GPC3: variants seen among roughly 807,000 people sequenced by gnomAD.
The protein encoded by GPC3 is glypican 3.
GPC3 carries 3 observed loss-of-function variants against 34.4 expected under a neutral mutation model. That is an observed-to-expected ratio of 0.09 (90% CI 0.04 to 0.23). The LOEUF is 0.23. Among genes scored for constraint, GPC3 ranks in the 10% least tolerant of loss-of-function variants. The pLI, the probability that GPC3 is intolerant of heterozygous loss-of-function variation, is 1.00. For missense variants in GPC3, 351 were observed against 445.6 expected, an observed-to-expected ratio of 0.79 and a Z score of 1.91; for synonymous variants, 177 against 174.0, an observed-to-expected ratio of 1.02 and a Z score of -0.13.
At chrX:133,732,266 C>T (rs753854956) in intron 3 of GPC3, among the ~76,000 whole-genome samples, 8 of 111,158 alleles carry the variant, frequency 7.2e-5, no homozygotes, top group African/African-American at 9.8e-5. Flanking sequence ...GTCTGACTGG[C>T]GGGCTCATGA....
chrX:133,617,088 G>A (rs186344183), intron 6 of GPC3, among the ~76,000 whole-genome samples: 306 of 111,289 alleles, frequency 2.7e-3, no homozygotes, highest in Non-Finnish European at 4.7e-3. Flanking sequence ...TATTAATAAC[G>A]AACTTAAAGT....
chrX:133,933,353 T>C (rs191259195), intron 2 of GPC3, among the ~76,000 whole-genome samples: 4 of 110,260 alleles, frequency 3.6e-5, no homozygotes, highest in African/African-American at 6.6e-5. Flanking sequence ...CTAGGGAGGA[T>C]TGCAAGGAGA....
At position 133,758,467 on chromosome X, in the gene GPC3, C is replaced by T. The variant is rs1336072301; in HGVS notation, c.338-4291G>A. On this transcript the variant is annotated intron_variant, in intron 2 of 7. Coordinates refer to ENST00000370818, the MANE Select transcript of GPC3 (RefSeq NM_004484.4). ...TGCAGGAACAGAAAACCTAACACCG[C>T]ATGTTCTCATTTGTAAGTGGGAATT... Among the ~76,000 whole-genome samples, 4 of 111,384 alleles carry T rather than the reference C, an allele frequency of 3.6e-5. No individual in the cohort carries two copies. In the Admixed American group the frequency reaches 3.8e-4, roughly 11 times the overall value.
At chrX:133,931,917 G>A (rs1487584106) in intron 2 of GPC3, among the ~76,000 whole-genome samples, 7 of 111,325 alleles carry the variant, frequency 6.3e-5, no homozygotes, top group Non-Finnish European at 1.1e-4. Flanking sequence ...TAAATGGTTG[G>A]AGGAGGCTCC....
At chrX:133,662,162 C>T (rs1193802945) in intron 5 of GPC3, among the ~76,000 whole-genome samples, 1 of 111,599 alleles carries the variant, frequency 9.0e-6, no homozygotes, top group Non-Finnish European at 1.9e-5. Flanking sequence ...GGCCAATGAC[C>T]AGGCAGAGTG....
chrX:133,600,754 T>C (rs1182393190), intron 6 of GPC3, among the ~76,000 whole-genome samples: 1 of 111,794 alleles, frequency 8.9e-6, no homozygotes, highest in Non-Finnish European at 1.9e-5. Flanking sequence ...AATTGCTTAA[T>C]TACAATTCAC....
At chrX:133,652,117 A>G (rs2070610211) in intron 6 of GPC3, among the ~76,000 whole-genome samples, 1 of 112,050 alleles carries the variant, frequency 8.9e-6, no homozygotes, top group Admixed American at 9.5e-5. Flanking sequence ...CCAGAATCCA[A>G]TTTCCATCCC....
At chrX:133,958,175 G>A (rs897848008) in intron 1 of GPC3, among the ~76,000 whole-genome samples, 4 of 112,069 alleles carry the variant, frequency 3.6e-5, no homozygotes, top group African/African-American at 1.3e-4. Flanking sequence ...CCCTGTACAC[G>A]TAGTGTTGAA....
intron 1 of GPC3, among the ~76,000 whole-genome samples, chrX:133,956,595 C>T (rs1274937886): frequency 1.8e-5 from 2 of 112,168 alleles, no homozygotes; most frequent in Admixed American, 9.4e-5. Flanking sequence ...CTAAGTAGTA[C>T]ATGTTCAAAA....
At chrX:133,682,927 A>G (rs1466367503) in intron 5 of GPC3, among the ~76,000 whole-genome samples, 4 of 105,874 alleles carry the variant, frequency 3.8e-5, no homozygotes, top group African/African-American at 1.0e-4. Flanking sequence ...AAATTGTGCC[A>G]CTGCACTCCA....
At chrX:133,983,638 C>T (rs2076551117) in intron 1 of GPC3, among the ~76,000 whole-genome samples, 1 of 111,811 alleles carries the variant, frequency 8.9e-6, no homozygotes, top group Admixed American at 9.4e-5. Context: ...AACCCTGGAC[C>T]CATTCATCTT....
intron 2 of GPC3, among the ~76,000 whole-genome samples, chrX:133,847,484 T>A (rs1349548299): frequency 8.9e-6 from 1 of 111,943 alleles, no homozygotes; most frequent in Admixed American, 9.5e-5. Context: ...TATATAACAG[T>A]TTTATAAATG....
intron 1 of GPC3, among the ~76,000 whole-genome samples, chrX:133,981,322 C>T (rs1348791450): frequency 1.8e-5 from 2 of 111,914 alleles, no homozygotes; most frequent in Non-Finnish European, 1.9e-5. Context: ...TTGTGTCTCA[C>T]TCCTCTCTGC....
chrX:133,719,872 CAAAT>C lies in GPC3; in HGVS notation c.1033-19848_1033-19845del, dbSNP rs200185019. Among the ~76,000 whole-genome samples, 572 of 111,441 alleles carry C rather than the reference CAAAT, an allele frequency of 5.1e-3. 3 individuals carry two copies. Among genetic ancestry groups the C allele is most frequent in the African/African-American group, 0.017 (537 of 30,689 alleles). ...AGGAACTCGAATCAGAAAGAAAAAACAAATAGTCCCATCAAAAGGTGGGCAAAGA... is the reference window on the plus strand; with the variant it reads ...AGGAACTCGAATCAGAAAGAAAAAACAGTCCCATCAAAAGGTGGGCAAAGA... On this transcript the variant is annotated intron_variant, in intron 3 of 7. Transcript: ENST00000370818.
intron 2 of GPC3, among the ~76,000 whole-genome samples, chrX:133,923,166 CTGTT>C (rs753990497): frequency 1.2e-4 from 13 of 111,899 alleles, no homozygotes; most frequent in Non-Finnish European, 1.9e-4. Flanking sequence ...TCCCAAGCGA[CTGTT>C]TGTTTCTCTT....
intron 4 of GPC3, among the ~76,000 whole-genome samples, chrX:133,699,253 T>A (rs1405417118): frequency 8.9e-6 from 1 of 111,850 alleles, no homozygotes. Context: ...GCTGGCTACA[T>A]GTGCAGTCTT....
intron 6 of GPC3, among the ~76,000 whole-genome samples, chrX:133,643,703 C>T (rs1456580575): frequency 9.0e-6 from 1 of 111,157 alleles, no homozygotes; most frequent in African/African-American, 3.3e-5. Context: ...TGATAGGTAT[C>T]TTTCTATGCA....
chrX:133,541,890 C>A (rs1377885829), intron 7 of GPC3, among the ~76,000 whole-genome samples: 1 of 111,911 alleles, frequency 8.9e-6, no homozygotes, highest in Admixed American at 9.5e-5. Flanking sequence ...TTAGACAAGT[C>A]ATTTCCTTCT....
intron 7 of GPC3, among the ~76,000 whole-genome samples, chrX:133,552,047 TA>T (rs2069438532): frequency 8.9e-6 from 1 of 112,740 alleles, no homozygotes; most frequent in Non-Finnish European, 1.9e-5. Context: ...ACTTGAAAGA[TA>T]AAGAACTTTC....
Sources: gnomAD v4.1 joint callset for allele counts (sites outside exome capture counted in the v4.1 genomes callset) on GRCh38, gnomAD v4.1.1 for gene constraint, MANE v1.5 for transcripts, NCBI Gene and HGNC (gene_info 2026-07-23, HGNC 2026-07-21) for gene names.